Variants in BCAR3 observed in about 807,000 individuals in gnomAD.
BCAR3 encodes breast cancer anti-estrogen resistance protein 3.
A neutral mutation model predicts 80.1 loss-of-function variants in BCAR3; 37 were observed. That is an observed-to-expected ratio of 0.46 (90% CI 0.36 to 0.61). BCAR3 has a LOEUF of 0.61. Among genes scored for constraint, BCAR3 ranks in the 20% least tolerant of loss-of-function variants. The probability of loss-of-function intolerance (pLI) is 0.00; values close to 1 mark genes in which losing one functional copy is unlikely to be tolerated. For missense variants in BCAR3, 978 were observed against 1,068.2 expected (o/e 0.92, Z 1.18); for synonymous variants, 389 against 418.9 (o/e 0.93, Z 0.87).
chr1:93,626,380 T>G (rs1675457328), intron 3 of BCAR3, among the ~76,000 whole-genome samples: 3 of 152,194 alleles, frequency 2.0e-5, no homozygotes, highest in Non-Finnish European at 4.4e-5. Context: ...GTTTTAAGTG[T>G]TTTTGCAGCT....
chr1:93,803,217 T>A (rs1205194465), intron 2 of BCAR3, among the ~76,000 whole-genome samples: 1 of 152,144 alleles, frequency 6.6e-6, no homozygotes, highest in Non-Finnish European at 1.5e-5. Context: ...AGATTCAGGC[T>A]GTAGGAAGCA....
intron 3 of BCAR3, among the ~76,000 whole-genome samples, chr1:93,639,273 G>A (rs1268018983): frequency 1.3e-5 from 2 of 152,112 alleles, no homozygotes; most frequent in Non-Finnish European, 2.9e-5. Flanking sequence ...AGAGCTGAAT[G>A]TTGGATTCTT....
chr1:93,805,155 T>C (rs1233276551), intron 2 of BCAR3, among the ~76,000 whole-genome samples: 2 of 152,230 alleles, frequency 1.3e-5, no homozygotes, highest in Admixed American at 1.3e-4. Flanking sequence ...TTCAGGAATC[T>C]TCTAGCTCAG....
At chr1:93,706,404 C>T (rs1649829485) in intron 2 of BCAR3, among the ~76,000 whole-genome samples, 1 of 152,156 alleles carries the variant, frequency 6.6e-6, no homozygotes, top group Non-Finnish European at 1.5e-5. Context: ...CACAGGACAG[C>T]AGTTCCCTTA....
intron 2 of BCAR3, among the ~76,000 whole-genome samples, chr1:93,755,697 T>C (rs1050142340): frequency 1.3e-5 from 2 of 152,180 alleles, no homozygotes; most frequent in African/African-American, 2.4e-5. Context: ...TTTTTCCAAA[T>C]GTATCCCCAT....
At chr1:93,744,008 G>A (rs1651269340) in intron 2 of BCAR3, among the ~76,000 whole-genome samples, 1 of 152,164 alleles carries the variant, frequency 6.6e-6, no homozygotes, top group African/African-American at 2.4e-5. Context: ...ACCTAGCCAG[G>A]CCTGATTAGC....
intron 8 of BCAR3, among the ~76,000 whole-genome samples, chr1:93,574,793 C>CTCA: frequency 6.6e-6 from 1 of 152,300 alleles, no homozygotes; most frequent in East Asian, 1.9e-4. Flanking sequence ...CTAGAAAAGT[C>CTCA]TCATCAGGAA....
At chr1:93,694,952 C>T (rs1003412568) in intron 3 of BCAR3, among the ~76,000 whole-genome samples, 13 of 152,264 alleles carry the variant, frequency 8.5e-5, no homozygotes, top group African/African-American at 3.1e-4. Context: ...CCTCAGCCTA[C>T]ACTCTGGCCC....
At chr1:93,612,348 C>T (rs186058374) in intron 3 of BCAR3, among the ~76,000 whole-genome samples, 505 of 152,090 alleles carry the variant, frequency 3.3e-3, no homozygotes, top group Non-Finnish European at 5.9e-3. Context: ...AGAGTGGCCA[C>T]GGTGGAGAGA....
intron 2 of BCAR3, among the ~76,000 whole-genome samples, chr1:93,830,247 G>A (rs1181644783): frequency 1.3e-5 from 2 of 152,144 alleles, no homozygotes; most frequent in African/African-American, 2.4e-5. Flanking sequence ...TGGATCACAA[G>A]GTCAGGAGTT....
intron 2 of BCAR3, among the ~76,000 whole-genome samples, chr1:93,660,665 G>A (rs1303377897): frequency 6.6e-6 from 1 of 152,214 alleles, no homozygotes; most frequent in African/African-American, 2.4e-5. Context: ...GGGGAATATT[G>A]TGCATATAGC....
chr1:93,590,829 T>C (rs7516400), intron 4 of BCAR3, among the ~76,000 whole-genome samples: 46,710 of 152,016 alleles, frequency 0.31, 8,346 homozygotes, highest in African/African-American at 0.5. Flanking sequence ...CAGTAAATTG[T>C]AGTGCATGCA....
chr1:93,574,986 G>C (rs371383401), intron 8 of BCAR3, among the ~76,000 whole-genome samples: 1 of 152,194 alleles, frequency 6.6e-6, no homozygotes, highest in Admixed American at 6.5e-5. Flanking sequence ...CAGCAGCATA[G>C]GAGTCATTTT....
chr1:93,572,008 T>TA (rs893658958), intron 8 of BCAR3, among the ~76,000 whole-genome samples, 167 bp from the exon 9 acceptor site: 8 of 152,186 alleles, frequency 5.3e-5, no homozygotes, highest in Non-Finnish European at 8.8e-5. Flanking sequence ...GAACGCCCCT[T>TA]AGCAGGCTGA....
chr1:93,684,634 A>G (rs1425631002), upstream of BCAR3, among the ~76,000 whole-genome samples: 1 of 152,264 alleles, frequency 6.6e-6, no homozygotes, highest in Non-Finnish European at 1.5e-5. Context: ...AACTTCAACC[A>G]TAAATTCATT....
At position 93,642,340 on chromosome 1, in the gene BCAR3, A is replaced by G. The variant is rs1016391360; in HGVS notation, c.321T>C (p.Asp107=). 2.5e-6 allele frequency: 4 copies of G among 1,612,824 alleles called. No individual in the cohort carries two copies. In the Middle Eastern group the frequency reaches 5.0e-4, roughly 200 times the overall value. ...DRHGETFTFR[D]PHLLDPTVEY... ...CCACAGTTGGGTCCAGAAGATGTGG[A>G]TCCCTGAAAAGAGAAAATATAAATA... The change falls in exon 3 of 12, where the codon GAT becomes GAC. Residue 107 remains aspartate (D), a synonymous_variant. Transcript: ENST00000260502.
chr1:93,563,788 G>A (rs1159474568), intron 11 of BCAR3, among the ~76,000 whole-genome samples: 2 of 152,142 alleles, frequency 1.3e-5, no homozygotes, highest in Non-Finnish European at 2.9e-5. Flanking sequence ...TACCTCTCGG[G>A]TTCAAGCAAT....
At position 93,718,893 on chromosome 1, in the gene BCAR3, G is replaced by T. The variant is rs374386125; in HGVS notation, c.-62-12751C>A. On this transcript the variant is annotated intron_variant, in intron 2 of 13. Transcript: ENST00000370244. ...GTATTTTTTTTTTTTTTAGAGACAGGGTCTCCCTATGTTGCCCAAGCTGGT... is the reference window on the plus strand; with the variant it reads ...GTATTTTTTTTTTTTTTAGAGACAGTGTCTCCCTATGTTGCCCAAGCTGGT... Among the ~76,000 whole-genome samples, 61 of 150,830 alleles carry T rather than the reference G, an allele frequency of 4.0e-4. No individual in the cohort carries two copies. The East Asian group carries it at 6.8e-3, about 17-fold the overall frequency.
chr1:93,766,784 A>T (rs1349635659), intron 2 of BCAR3, among the ~76,000 whole-genome samples: 2 of 152,244 alleles, frequency 1.3e-5, no homozygotes, highest in Middle Eastern at 3.2e-3. Flanking sequence ...GAATTTATTT[A>T]GTGCTTATCT....
Sources: allele counts gnomAD v4.1 joint callset (sites outside exome capture counted in the v4.1 genomes callset), GRCh38; gene constraint gnomAD v4.1.1; transcripts MANE v1.5; gene names NCBI Gene and HGNC (gene_info 2026-07-23, HGNC 2026-07-21).